The following AGPAT4 variants were observed in gnomAD, a reference collection of about 807,000 sequenced individuals.
AGPAT4 encodes the protein 1-acylglycerol-3-phosphate O-acyltransferase 4.
AGPAT4 carries 15 observed loss-of-function variants against 48.0 expected under a neutral mutation model. That is an observed-to-expected ratio of 0.31 (90% CI 0.21 to 0.48). The LOEUF is 0.48. Ranked by LOEUF, AGPAT4 falls within the 20% of genes least tolerant of loss-of-function variation. The pLI, the probability that AGPAT4 is intolerant of heterozygous loss-of-function variation, is 0.99. For synonymous variants in AGPAT4, 178 were observed against 198.7 expected (o/e 0.90, Z 0.88); for missense variants, 314 against 482.5 (o/e 0.65, Z 3.27).
chr6:161,250,120 T>C (rs1269762995), intron 1 of AGPAT4, among the ~76,000 whole-genome samples: 1 of 149,256 alleles, frequency 6.7e-6, no homozygotes, highest in East Asian at 1.9e-4. Flanking sequence ...GTGTTTTCAC[T>C]TACAAGTGGG....
At chr6:161,207,942 C>T (rs1024238650) in intron 2 of AGPAT4, among the ~76,000 whole-genome samples, 2 of 152,074 alleles carry the variant, frequency 1.3e-5, no homozygotes, top group Non-Finnish European at 2.9e-5. Context: ...GAGCCCAAGG[C>T]TTAGCAAGAC....
At position 161,244,986 on chromosome 6, in the gene AGPAT4, G is replaced by C. The variant is rs779710818; in HGVS notation, c.-89-12684C>G. 2.0e-5 allele frequency among the ~76,000 whole-genome samples: 3 copies of C among 152,206 alleles called. No homozygotes were observed. The highest frequency in any genetic ancestry group is 6.5e-5 in the Admixed American group (1 of 15,282). ...CCAAAGGCCACGTAGCAAAACACGTGGGCATGAGAACTCTCCTGCAAATGC... is the reference window on the plus strand; with the variant it reads ...CCAAAGGCCACGTAGCAAAACACGTCGGCATGAGAACTCTCCTGCAAATGC... On this transcript the variant is annotated intron_variant, in intron 1 of 8. Transcript: ENST00000320285. This position sits in a 1 kb window ranked among gnomAD's most constrained non-coding sequence, Gnocchi z 4.7.
In AGPAT4 at chr6:161,216,661, T is replaced by G. The variant is rs1476145133; in HGVS notation, c.178+15375A>C. On this transcript the variant is annotated intron_variant, in intron 2 of 8. Coordinates refer to ENST00000320285, the MANE Select transcript of AGPAT4 (RefSeq NM_020133.3). The surrounding 1 kb of genome is among the most constrained non-coding windows in gnomAD (Gnocchi z 4.8). ...TTAAAAGGTTTAATTGGACTTACAG[T>G]TCCACATGGCTGAGGAGTTCTCACA... Among the ~76,000 whole-genome samples, 1 of 152,190 alleles carries G rather than the reference T, an allele frequency of 6.6e-6. No individual in the cohort carries two copies. Among genetic ancestry groups the G allele is most frequent in the East Asian group, 1.9e-4 (1 of 5,200 alleles).
rs753981426 is a variant in AGPAT4 at position 161,149,153 on chromosome 6, CT to C, written c.767+33del. 6.2e-6 allele frequency: 10 copies of C among 1,603,698 alleles called. No individual in the cohort carries two copies. Among genetic ancestry groups the C allele is most frequent in the East Asian group, 2.2e-5 (1 of 44,812 alleles). On this transcript the variant is annotated intron_variant, in intron 6 of 8. Transcript: ENST00000320285. This position sits in a 1 kb window ranked among gnomAD's most constrained non-coding sequence, Gnocchi z 6.5. ...TGATGTGTTTACTTTGAAATGGGCA[CT>C]GTCTTTTCTGGAAAGGAAACAGTTC...
rs117646541 is a variant in AGPAT4 at position 161,250,759 on chromosome 6, C to T, written c.-89-18457G>A. Among the ~76,000 whole-genome samples, 1,188 of 152,150 alleles carry T rather than the reference C, an allele frequency of 7.8e-3. 5 individuals carry two copies. Among genetic ancestry groups the T allele is most frequent in the Non-Finnish European group, 0.014 (955 of 68,000 alleles). On this transcript the variant is annotated intron_variant, in intron 1 of 8. Coordinates refer to ENST00000320285, the MANE Select transcript of AGPAT4 (RefSeq NM_020133.3). Reference sequence around the variant, plus strand: ...TTCTTACTAGCAATATATATAAATACCCATTTCACTACATGTTTGTCAGCA... The same window carrying T: ...TTCTTACTAGCAATATATATAAATATCCATTTCACTACATGTTTGTCAGCA...
chr6:161,201,351 G>C lies in AGPAT4; in HGVS notation c.178+30685C>G, dbSNP rs1356356312. Among the ~76,000 whole-genome samples, 1 of 152,182 alleles carries C rather than the reference G, an allele frequency of 6.6e-6. No individual in the cohort carries two copies. Among genetic ancestry groups the C allele is most frequent in the Admixed American group, 6.5e-5 (1 of 15,286 alleles). On this transcript the variant is annotated intron_variant, in intron 2 of 8. Transcript: ENST00000320285. The surrounding 1 kb of genome is among the most constrained non-coding windows in gnomAD (Gnocchi z 6.0). ...AGTACCAGAAGAAAAGGAAATTACA[G>C]GAACCAATTTACCTTTTTTTTCAGT...
In AGPAT4 at chr6:161,180,885, A is replaced by G. The variant is rs139084627; in HGVS notation, c.179-14468T>C. Among the ~76,000 whole-genome samples the G allele has an allele frequency of 2.6e-5, 4 of 152,198 alleles. No individual in the cohort carries two copies. The highest frequency in any genetic ancestry group is 5.9e-5 in the Non-Finnish European group (4 of 68,048). On this transcript the variant is annotated intron_variant, in intron 2 of 8. Transcript: ENST00000320285. This position sits in a 1 kb window ranked among gnomAD's most constrained non-coding sequence, Gnocchi z 6.4. ...AAGCCAAAACAGATTTGGTTTTATT[A>G]TATTTGCCATTGTGCTGTTCAGCTT...
rs147770288 is a variant in AGPAT4, at chr6:161,206,003, C to T, written c.178+26033G>A. 8.5e-5 allele frequency among the ~76,000 whole-genome samples: 13 copies of T among 152,138 alleles called. No individual in the cohort carries two copies. The highest frequency in any genetic ancestry group is 6.2e-4 in the South Asian group (3 of 4,814). On this transcript the variant is annotated intron_variant, in intron 2 of 8. Transcript: ENST00000320285. This position sits in a 1 kb window ranked among gnomAD's most constrained non-coding sequence, Gnocchi z 4.8. The stretch of plus-strand genomic sequence containing the variant: ...AAGGCAGACCAGCTAGGGCACACCT[C>T]GGGATCTGAGGAACGACATGGTGGT...
chr6:161,213,593 T>C lies in AGPAT4; in HGVS notation c.178+18443A>G, dbSNP rs181065998. 7.3e-4 allele frequency among the ~76,000 whole-genome samples: 111 copies of C among 152,320 alleles called. 1 individual carries two copies. The Middle Eastern group carries it at 0.037, about 51-fold the overall frequency. On this transcript the variant is annotated intron_variant, in intron 2 of 8. Coordinates refer to ENST00000320285, the MANE Select transcript of AGPAT4 (RefSeq NM_020133.3). ...TGTGCTTTTGTAAAGCCCTGTGAAC[T>C]GAAGCCAGACAACTTAAACTTCAAA...
At position 161,266,256 on chromosome 6, in the gene AGPAT4, C is replaced by A. The variant is rs1783261977; in HGVS notation, c.-90+7682G>T. Among the ~76,000 whole-genome samples the A allele has an allele frequency of 6.6e-6, 1 of 152,216 alleles. No homozygotes were observed. Among genetic ancestry groups the A allele is most frequent in the South Asian group, 2.1e-4 (1 of 4,830 alleles). ...ACATCGAGATTGAGAAACACCTCGCCCTCAAGGAATGTCACCCTTGAGGCC... is the reference window on the plus strand; with the variant it reads ...ACATCGAGATTGAGAAACACCTCGCACTCAAGGAATGTCACCCTTGAGGCC... On this transcript the variant is annotated intron_variant, in intron 1 of 8. Coordinates refer to ENST00000320285, the MANE Select transcript of AGPAT4 (RefSeq NM_020133.3). The surrounding 1 kb of genome is among the most constrained non-coding windows in gnomAD (Gnocchi z 6.2).
In AGPAT4 at chr6:161,244,708, G is replaced by A. The variant is rs984104424; in HGVS notation, c.-89-12406C>T. Reference sequence around the variant, plus strand: ...TCTCCGATCCAGTAAAGCCGACAAGGGTGCACACATCTCTCCCTTTGGTCT... The same window carrying A: ...TCTCCGATCCAGTAAAGCCGACAAGAGTGCACACATCTCTCCCTTTGGTCT... On this transcript the variant is annotated intron_variant, in intron 1 of 8. Transcript: ENST00000320285. This position sits in a 1 kb window ranked among gnomAD's most constrained non-coding sequence, Gnocchi z 4.7. Among the ~76,000 whole-genome samples the A allele has an allele frequency of 6.6e-6, 1 of 152,126 alleles. No homozygotes were observed. The highest frequency in any genetic ancestry group is 2.4e-5 in the African/African-American group (1 of 41,416).
rs978465131 is a variant in AGPAT4 at position 161,206,222 on chromosome 6, C to A, written c.178+25814G>T. 2.6e-5 allele frequency among the ~76,000 whole-genome samples: 4 copies of A among 152,148 alleles called. No homozygotes were observed. Among genetic ancestry groups the A allele is most frequent in the African/African-American group, 9.7e-5 (4 of 41,440 alleles). ...TGGCCCTACCCCAACCCCCCATCAG[C>A]AAAGGTTGGGGTGGGGGGCTGTAAT... On this transcript the variant is annotated intron_variant, in intron 2 of 8. Transcript: ENST00000320285. This position sits in a 1 kb window ranked among gnomAD's most constrained non-coding sequence, Gnocchi z 4.8.
At chr6:161,227,026 GA>G (rs1466137777) in intron 2 of AGPAT4, among the ~76,000 whole-genome samples, 1 of 152,216 alleles carries the variant, frequency 6.6e-6, no homozygotes, top group Non-Finnish European at 1.5e-5. Flanking sequence ...TATGCATAAG[GA>G]GGGGGAAATT....
intron 2 of AGPAT4, among the ~76,000 whole-genome samples, chr6:161,211,775 T>C (rs2115019044): frequency 6.6e-6 from 1 of 152,308 alleles, no homozygotes; most frequent in Non-Finnish European, 1.5e-5. Context: ...GACACTGAGT[T>C]ACAGGATTTT....
In AGPAT4 at chr6:161,212,448, C is replaced by T. The variant is rs1254707067; in HGVS notation, c.178+19588G>A. On this transcript the variant is annotated intron_variant, in intron 2 of 8. Transcript: ENST00000320285. The surrounding 1 kb of genome is among the most constrained non-coding windows in gnomAD (Gnocchi z 6.1). ...TTCTTACCTAATTAATCCTTTAAGA[C>T]ATTAGATTCCCTAAAGTCCAAAAGT... is the stretch of plus-strand genomic sequence containing the variant. Among the ~76,000 whole-genome samples, 1 of 152,104 alleles carries T rather than the reference C, an allele frequency of 6.6e-6. No homozygotes were observed. Among genetic ancestry groups the T allele is most frequent in the African/African-American group, 2.4e-5 (1 of 41,416 alleles).
chr6:161,221,692 G>C lies in AGPAT4; in HGVS notation c.178+10344C>G, dbSNP rs1169803910. Among the ~76,000 whole-genome samples the C allele has an allele frequency of 6.6e-6, 1 of 152,172 alleles. No homozygotes were observed. The highest frequency in any genetic ancestry group is 2.4e-5 in the African/African-American group (1 of 41,454). Reference sequence around the variant, plus strand: ...TGGATTCCAGGAACCTCAGATCGGGGTGTTAGCAGGGTTGGTTCCTTCTGA... The same window carrying C: ...TGGATTCCAGGAACCTCAGATCGGGCTGTTAGCAGGGTTGGTTCCTTCTGA... On this transcript the variant is annotated intron_variant, in intron 2 of 8. Coordinates refer to ENST00000320285, the MANE Select transcript of AGPAT4 (RefSeq NM_020133.3). This position sits in a 1 kb window ranked among gnomAD's most constrained non-coding sequence, Gnocchi z 4.5.
rs1451705830 is a variant in AGPAT4, at chr6:161,263,097, TCGG to T, written c.-90+10838_-90+10840del. On this transcript the variant is annotated intron_variant, in intron 1 of 8. Transcript: ENST00000320285. ...AAAAAGAGCAAAGGCAGACATATTC[TCGG>T]CGGCGGTGGGCGGGGTGTTTCTCAC... 4.5e-4 allele frequency among the ~76,000 whole-genome samples: 41 copies of T among 91,654 alleles called. 1 individual carries two copies. The highest frequency in any genetic ancestry group is 7.4e-4 in the Admixed American group (7 of 9,504). 60.1% of individuals were successfully genotyped at this position (91,654 alleles called of 152,430 possible). A position where few individuals can be genotyped will look rare whatever the true frequency, so the allele number is the denominator to read the frequency against.
At chr6:161,152,778 G>A (rs187024008) in intron 5 of AGPAT4, among the ~76,000 whole-genome samples, 2 of 152,306 alleles carry the variant, frequency 1.3e-5, no homozygotes, top group African/African-American at 4.8e-5. Flanking sequence ...AAGGGCCAAG[G>A]GACTGTGAGG....
Position 161,242,246 on chromosome 6 carries a change from G to T in AGPAT4, c.-89-9944C>A, listed in dbSNP as rs902188423. Among the ~76,000 whole-genome samples, 1 of 152,202 alleles carries T rather than the reference G, an allele frequency of 6.6e-6. No individual in the cohort carries two copies. The highest frequency in any genetic ancestry group is 6.5e-5 in the Admixed American group (1 of 15,280). On this transcript the variant is annotated intron_variant, in intron 1 of 8. Coordinates refer to ENST00000320285, the MANE Select transcript of AGPAT4 (RefSeq NM_020133.3). This position sits in a 1 kb window ranked among gnomAD's most constrained non-coding sequence, Gnocchi z 5.0. ...TAATGGTGAGTAACTGTGGGGGCCC[G>T]GCCTGGGCCAGTCTCACGCTTTTAA...
Sources: gnomAD v4.1 joint callset for allele counts (sites outside exome capture counted in the v4.1 genomes callset) on GRCh38, gnomAD v4.1.1 for gene constraint, Gnocchi (gnomAD v3.1) non-coding constraint, MANE v1.5 for transcripts, NCBI Gene and HGNC (gene_info 2026-07-23, HGNC 2026-07-21) for gene names.